The following TMEM132B variants were observed in gnomAD, a reference collection of about 807,000 sequenced individuals.
TMEM132B encodes transmembrane protein 132B.
In TMEM132B, 18 loss-of-function variants were observed where a neutral mutation model predicts 90.8. That is an observed-to-expected ratio of 0.20 (90% CI 0.14 to 0.29). The LOEUF (loss-of-function observed/expected upper bound fraction) is 0.29. Among genes scored for constraint, TMEM132B ranks in the 10% least tolerant of loss-of-function variants. The probability of loss-of-function intolerance (pLI) is 1.00; values close to 1 mark genes in which losing one functional copy is unlikely to be tolerated. For missense variants in TMEM132B, 1,096 were observed against 1,326.8 expected, an observed-to-expected ratio of 0.83 and a Z score of 2.70; for synonymous variants, 504 against 523.3, an observed-to-expected ratio of 0.96 and a Z score of 0.50.
At chr12:125,317,065 C>T (rs544168133) in intron 1 of TMEM132B, among the ~76,000 whole-genome samples, 22 of 151,912 alleles carry the variant, frequency 1.4e-4, no homozygotes, top group Non-Finnish European at 2.6e-4. Context: ...AGGATAGTGC[C>T]GCCTTCCCAA....
chr12:125,402,135 C>G (rs1328003011), intron 2 of TMEM132B, among the ~76,000 whole-genome samples: 1 of 152,184 alleles, frequency 6.6e-6, no homozygotes, highest in Non-Finnish European at 1.5e-5. Context: ...CTGAAGCACC[C>G]ATTGTCCTCA....
At position 125,460,217 on chromosome 12, in the gene TMEM132B, A is replaced by AC. The variant is rs1488749288; in HGVS notation, c.1106+44541dup. ...CATAAAAAAATAAAGCTGGCAGGGC[A>AC]CGGTGGCTCACGCCTGTAATCCCAG... On this transcript the variant is annotated intron_variant, in intron 3 of 8. Coordinates refer to ENST00000682704, the MANE Select transcript of TMEM132B (RefSeq NM_001366854.1). The surrounding 1 kb of genome is among the most constrained non-coding windows in gnomAD (Gnocchi z 4.4). 2.6e-5 allele frequency among the ~76,000 whole-genome samples: 4 copies of AC among 152,218 alleles called. No homozygotes were observed. The highest frequency in any genetic ancestry group is 9.6e-5 in the African/African-American group (4 of 41,470).
chr12:125,443,766 C>G (rs1000495750), intron 3 of TMEM132B, among the ~76,000 whole-genome samples: 1 of 151,842 alleles, frequency 6.6e-6, no homozygotes, highest in Non-Finnish European at 1.5e-5. Flanking sequence ...GCTAAATAAC[C>G]CATTGAAACT....
rs1164168481 is a variant in TMEM132B at position 125,459,425 on chromosome 12, A to G, written c.1106+43748A>G. Among the ~76,000 whole-genome samples, 1 of 152,218 alleles carries G rather than the reference A, an allele frequency of 6.6e-6. No individual in the cohort carries two copies. The highest frequency in any genetic ancestry group is 2.4e-5 in the African/African-American group (1 of 41,464). On this transcript the variant is annotated intron_variant, in intron 3 of 8. Transcript: ENST00000682704. The surrounding 1 kb of genome is among the most constrained non-coding windows in gnomAD (Gnocchi z 4.1). Reference sequence around the variant, plus strand: ...AATGAAATAAGCCAGACACAGAAAGACAAACATTGCTTGTTCTCACTTATT... The same window carrying G: ...AATGAAATAAGCCAGACACAGAAAGGCAAACATTGCTTGTTCTCACTTATT...
chr12:125,559,847 A>G (rs1015539163), intron 4 of TMEM132B, among the ~76,000 whole-genome samples: 3 of 152,138 alleles, frequency 2.0e-5, no homozygotes, highest in Non-Finnish European at 2.9e-5. Flanking sequence ...ATGTTAAATG[A>G]GGCGGTGGCT....
chr12:125,295,573 A>C (rs1262012497), intron 1 of TMEM132B, among the ~76,000 whole-genome samples: 1 of 152,170 alleles, frequency 6.6e-6, no homozygotes, highest in Non-Finnish European at 1.5e-5. Flanking sequence ...AGAGACAGAC[A>C]GACTTGGGTG....
rs1367117737 is a variant in TMEM132B, at chr12:125,655,795, T to A, written c.*1085T>A. The A allele has an allele frequency of 6.6e-6, 1 of 152,318 alleles. No homozygotes were observed. The highest frequency in any genetic ancestry group is 3.4e-3 in the Middle Eastern group (1 of 294). 9.4% of individuals were successfully genotyped at this position (152,318 alleles called of 1,614,324 possible). A position where few individuals can be genotyped will look rare whatever the true frequency, so the allele number is the denominator to read the frequency against. On this transcript the variant is annotated 3_prime_UTR_variant, in exon 9 of 9. Transcript: ENST00000682704. ...TTCCATTTTACCAGAACAAAAGTTT[T>A]TTTTTTTTTAAATAAGTAGAATGAC...
chr12:125,342,877 T>G (rs1345594459), intron 1 of TMEM132B, among the ~76,000 whole-genome samples: 4 of 152,220 alleles, frequency 2.6e-5, no homozygotes, highest in Non-Finnish European at 5.9e-5. Flanking sequence ...TCTCAGGCCA[T>G]GATGTGTTTT....
At chr12:125,473,322 T>C (rs887526860) in intron 3 of TMEM132B, among the ~76,000 whole-genome samples, 1 of 152,208 alleles carries the variant, frequency 6.6e-6, no homozygotes, top group Non-Finnish European at 1.5e-5. Context: ...TTTTCCCAAG[T>C]ATCTTCTTAT....
Position 125,460,186 on chromosome 12 carries a change from A to G in TMEM132B, c.1106+44509A>G, listed in dbSNP as rs2136469563. On this transcript the variant is annotated intron_variant, in intron 3 of 8. Transcript: ENST00000682704. The surrounding 1 kb of genome is among the most constrained non-coding windows in gnomAD (Gnocchi z 4.4). ...CATATACCCACTATGTACCCACAAA[A>G]GTTAACATAAAAAAATAAAGCTGGC... Among the ~76,000 whole-genome samples, 1 of 152,320 alleles carries G rather than the reference A, an allele frequency of 6.6e-6. No homozygotes were observed. Among genetic ancestry groups the G allele is most frequent in the East Asian group, 1.9e-4 (1 of 5,186 alleles).
At chr12:125,546,839 T>A (rs1213656884) in intron 4 of TMEM132B, among the ~76,000 whole-genome samples, 2 of 152,164 alleles carry the variant, frequency 1.3e-5, no homozygotes, top group Admixed American at 1.3e-4. Context: ...CACACTGCTA[T>A]GAAGAAATAC....
At chr12:125,609,198 T>G (rs1296443119) in intron 5 of TMEM132B, among the ~76,000 whole-genome samples, 2 of 152,154 alleles carry the variant, frequency 1.3e-5, no homozygotes, top group Non-Finnish European at 2.9e-5. Flanking sequence ...GGATTACAAT[T>G]CAAGGTGATA....
intron 5 of TMEM132B, among the ~76,000 whole-genome samples, chr12:125,634,056 T>C (rs1347347319): frequency 4.6e-5 from 7 of 152,190 alleles, no homozygotes; most frequent in African/African-American, 1.7e-4. Context: ...AGAGGTGCTG[T>C]CTGGGAGCCA....
chr12:125,274,416 A>G (rs1874932797), intron 1 of TMEM132B, among the ~76,000 whole-genome samples: 1 of 152,226 alleles, frequency 6.6e-6, no homozygotes, highest in South Asian at 2.1e-4. Flanking sequence ...GCTGGGTCAT[A>G]TGTTCACTGC....
chr12:125,406,511 C>T lies in TMEM132B; in HGVS notation c.960-9020C>T, dbSNP rs1879485319. On this transcript the variant is annotated intron_variant, in intron 2 of 8. Coordinates refer to ENST00000682704, the MANE Select transcript of TMEM132B (RefSeq NM_001366854.1). The surrounding 1 kb of genome is among the most constrained non-coding windows in gnomAD (Gnocchi z 8.3). ...ACCATCTGAGACTCACTGGTCTGGA[C>T]TGAGCCATGCTCCTCTTTGCATTTC... Among the ~76,000 whole-genome samples, 1 of 152,228 alleles carries T rather than the reference C, an allele frequency of 6.6e-6. No individual in the cohort carries two copies. Among genetic ancestry groups the T allele is most frequent in the Non-Finnish European group, 1.5e-5 (1 of 68,034 alleles).
At chr12:125,416,544 T>A (rs778518602) in intron 3 of TMEM132B, among the ~76,000 whole-genome samples, 1 of 152,264 alleles carries the variant, frequency 6.6e-6, no homozygotes, top group Non-Finnish European at 1.5e-5. Context: ...GCGGAGGCCT[T>A]CTGTGAATGA....
chr12:125,251,306 T>C lies in TMEM132B; in HGVS notation c.67+64440T>C, dbSNP rs1244932524. Among the ~76,000 whole-genome samples, 1 of 152,230 alleles carries C rather than the reference T, an allele frequency of 6.6e-6. No individual in the cohort carries two copies. The highest frequency in any genetic ancestry group is 6.5e-5 in the Admixed American group (1 of 15,284). On this transcript the variant is annotated intron_variant, in intron 1 of 8. Coordinates refer to ENST00000682704, the MANE Select transcript of TMEM132B (RefSeq NM_001366854.1). The surrounding 1 kb of genome is among the most constrained non-coding windows in gnomAD (Gnocchi z 4.4). The stretch of plus-strand genomic sequence containing the variant: ...ACCAGCCAGTTTTAAACATTCAATA[T>C]TAAATACCATGAAATAGCATTTTAG...
At chr12:125,283,638 G>T (rs1406246433) in intron 1 of TMEM132B, among the ~76,000 whole-genome samples, 3 of 152,224 alleles carry the variant, frequency 2.0e-5, no homozygotes, top group Non-Finnish European at 2.9e-5. Flanking sequence ...AGGGGGCAAG[G>T]TAAGATGTCG....
At chr12:125,343,970 C>T (rs1416738818) in intron 1 of TMEM132B, among the ~76,000 whole-genome samples, 1 of 152,206 alleles carries the variant, frequency 6.6e-6, no homozygotes, top group African/African-American at 2.4e-5. Context: ...TTTATTCTCT[C>T]AAGCGTTAAA....
Sources: allele counts gnomAD v4.1 joint callset (sites outside exome capture counted in the v4.1 genomes callset), GRCh38; gene constraint gnomAD v4.1.1; non-coding constraint Gnocchi (gnomAD v3.1); transcripts MANE v1.5; gene names NCBI Gene and HGNC (gene_info 2026-07-23, HGNC 2026-07-21).